The following TCF4 variants were observed in gnomAD, a reference collection of about 807,000 sequenced individuals.
TCF4 encodes transcription factor 4, also known as SL3-3 enhancer factor 2.
Under a neutral mutation model 82.1 loss-of-function variants are expected in TCF4, and 3 were observed. The ratio of observed to expected loss-of-function variants is 0.04; its 90% CI spans 0.02 to 0.09. TCF4 has a LOEUF of 0.09. Ranked by LOEUF, TCF4 falls within the 10% of genes least tolerant of loss-of-function variation. The pLI, the probability that TCF4 is intolerant of heterozygous loss-of-function variation, is 1.00. For missense variants in TCF4, 518 were observed against 852.7 expected (o/e 0.61, Z 4.89); for synonymous variants, 276 against 309.6 (o/e 0.89, Z 1.14).
At chr18:55,613,255 C>A (rs2097708854) in intron 2 of TCF4, among the ~76,000 whole-genome samples, 1 of 152,116 alleles carries the variant, frequency 6.6e-6, no homozygotes, top group African/African-American at 2.4e-5. Context: ...CCTTCCCAAT[C>A]CTGCCTTCCA....
chr18:55,258,825 C>T (rs1042832236), intron 13 of TCF4, among the ~76,000 whole-genome samples: 10 of 152,020 alleles, frequency 6.6e-5, no homozygotes, highest in Non-Finnish European at 1.0e-4. Flanking sequence ...GTACAGAACC[C>T]GAGGAGTACA....
intron 5 of TCF4, among the ~76,000 whole-genome samples, chr18:55,432,402 A>T (rs2095229562): frequency 6.7e-6 from 1 of 149,120 alleles, no homozygotes; most frequent in South Asian, 2.2e-4. Context: ...GCAGGGAGGA[A>T]GGAGAAAACC....
At chr18:55,531,730 G>A (rs1469928561) in intron 3 of TCF4, among the ~76,000 whole-genome samples, 2 of 152,142 alleles carry the variant, frequency 1.3e-5, no homozygotes, top group African/African-American at 2.4e-5. Flanking sequence ...ATAAAGCCTA[G>A]AAAAGTTATA....
intron 5 of TCF4, chr18:55,403,793 G>GT (rs2093954142): frequency 6.6e-6 from 10 of 1,514,106 alleles, no homozygotes; most frequent in Non-Finnish European, 8.8e-6. Flanking sequence ...CAAACAAATC[G>GT]TAACTCCTTA....
chr18:55,342,798 C>T (rs2080284770), intron 8 of TCF4, among the ~76,000 whole-genome samples: 1 of 152,080 alleles, frequency 6.6e-6, no homozygotes, highest in African/African-American at 2.4e-5. Context: ...TGTTAATGTA[C>T]CTGAGCACCT....
chr18:55,395,803 G>A (rs921731319), intron 6 of TCF4, among the ~76,000 whole-genome samples: 4 of 152,168 alleles, frequency 2.6e-5, no homozygotes, highest in Admixed American at 6.5e-5. Flanking sequence ...AAGTGTTCAC[G>A]CTGTTGCTAA....
chr18:55,228,752 A>G (rs2047047261), intron 18 of TCF4, 95 bp downstream of exon 18: 1 of 1,248,344 alleles, frequency 8.0e-7, no homozygotes, highest in South Asian at 1.2e-5. Context: ...TTGAAAGTCT[A>G]CTGTCTGCCA....
intron 3 of TCF4, among the ~76,000 whole-genome samples, chr18:55,487,470 TGAA>T (rs1211979187): frequency 6.6e-6 from 1 of 152,196 alleles, no homozygotes; most frequent in Non-Finnish European, 1.5e-5. Flanking sequence ...ATTTGTCATG[TGAA>T]GAAGTGCATT....
intron 8 of TCF4, among the ~76,000 whole-genome samples, chr18:55,293,931 C>CTTTTTGTTTTTTTTTTT (rs2065764421): frequency 2.5e-5 from 1 of 40,032 alleles, no homozygotes; most frequent in Non-Finnish European, 5.1e-5. Flanking sequence ...TTTCCAAGGA[C>CTTTTTGTTTTTTTTTTT]TTTTTTTTTT....
At chr18:55,500,289 T>C (rs2060886) in intron 3 of TCF4, among the ~76,000 whole-genome samples, 91,889 of 152,098 alleles carry the variant, frequency 0.6, 28,196 homozygotes, top group African/African-American at 0.71. Flanking sequence ...CAACAGAATG[T>C]TTCATGTTTA....
At chr18:55,396,028 G>A (rs1181357705) in intron 6 of TCF4, among the ~76,000 whole-genome samples, 3 of 152,126 alleles carry the variant, frequency 2.0e-5, no homozygotes, top group African/African-American at 7.2e-5. Context: ...AACCCTGAAC[G>A]GAGCTGAGTG....
At chr18:55,240,393 A>G (rs1302591681) in intron 15 of TCF4, among the ~76,000 whole-genome samples, 3 of 152,244 alleles carry the variant, frequency 2.0e-5, no homozygotes, top group African/African-American at 7.2e-5. Context: ...TAATCTCCCC[A>G]TGAAATATCA....
At chr18:55,537,322 C>T (rs1483746094) in intron 3 of TCF4, among the ~76,000 whole-genome samples, 1 of 152,026 alleles carries the variant, frequency 6.6e-6, no homozygotes, top group Non-Finnish European at 1.5e-5. Flanking sequence ...GAATGTTGGC[C>T]GGGCACAGTG....
chr18:55,491,798 C>A (rs1177634215), intron 3 of TCF4, among the ~76,000 whole-genome samples: 3 of 152,120 alleles, frequency 2.0e-5, no homozygotes, highest in Admixed American at 2.0e-4. Context: ...CTGACACATT[C>A]CAATTTTGCA....
chr18:55,293,225 A>G (rs2065547536), intron 8 of TCF4, among the ~76,000 whole-genome samples: 1 of 152,178 alleles, frequency 6.6e-6, no homozygotes, highest in South Asian at 2.1e-4. Context: ...GCCCATCTGT[A>G]GGCAGATGGA....
At chr18:55,262,218 C>G (rs1403824835) in intron 11 of TCF4, among the ~76,000 whole-genome samples, 4 of 152,140 alleles carry the variant, frequency 2.6e-5, no homozygotes, top group Non-Finnish European at 5.9e-5. Flanking sequence ...GCCTTAAACA[C>G]TGGTATTTTT....
chr18:55,479,601 C>G (rs1038536413), intron 3 of TCF4, among the ~76,000 whole-genome samples: 2 of 152,086 alleles, frequency 1.3e-5, no homozygotes, highest in Non-Finnish European at 2.9e-5. Context: ...CCCATGTAAT[C>G]GTCTATGCAC....
intron 8 of TCF4, among the ~76,000 whole-genome samples, chr18:55,334,794 C>G (rs1249535682): frequency 6.6e-6 from 1 of 151,294 alleles, no homozygotes; most frequent in African/African-American, 2.4e-5. Context: ...TGCTCAGGAA[C>G]ACCTTTCTTC....
chr18:55,315,690 T>C (rs2073955932), intron 8 of TCF4, among the ~76,000 whole-genome samples: 1 of 152,168 alleles, frequency 6.6e-6, no homozygotes, highest in Non-Finnish European at 1.5e-5. Context: ...GATATGATAA[T>C]GTGCCAAATA....
Sources: gnomAD v4.1 joint callset for allele counts (sites outside exome capture counted in the v4.1 genomes callset) on GRCh38, gnomAD v4.1.1 for gene constraint, MANE v1.5 for transcripts, NCBI Gene and HGNC (gene_info 2026-07-23, HGNC 2026-07-21) for gene names.